The following CDH18 variants were observed in gnomAD, a reference collection of about 807,000 sequenced individuals.
CDH18 encodes cadherin 18.
CDH18 carries 31 observed loss-of-function variants against 67.9 expected under a neutral mutation model. That is an observed-to-expected ratio of 0.46 (90% CI 0.34 to 0.62). The LOEUF (loss-of-function observed/expected upper bound fraction) is 0.62, where lower values mean the gene tolerates loss of function less well. Among genes scored for constraint, CDH18 ranks in the 20% least tolerant of loss-of-function variants. The pLI is 0.01. For missense variants in CDH18, 890 were observed against 975.5 expected (o/e 0.91, Z 1.17); for synonymous variants, 362 against 347.2 (o/e 1.04, Z -0.48).
At chr5:20,069,744 G>C (rs1159398379) in intron 2 of CDH18, among the ~76,000 whole-genome samples, 1 of 152,036 alleles carries the variant, frequency 6.6e-6, no homozygotes, top group Non-Finnish European at 1.5e-5. Context: ...TTATTTTTTA[G>C]AGCAGTTTTA....
At chr5:20,339,193 A>G (rs1421845008) in intron 1 of CDH18, among the ~76,000 whole-genome samples, 1 of 152,144 alleles carries the variant, frequency 6.6e-6, no homozygotes, top group Non-Finnish European at 1.5e-5. Context: ...GTGCCTCCTG[A>G]AACACTGGGA....
rs371015064 is a variant in CDH18, at chr5:19,921,988, C to T, written c.-257+59072G>A. 1.3e-4 allele frequency among the ~76,000 whole-genome samples: 19 copies of T among 151,884 alleles called. 1 individual carries two copies. The highest frequency in any genetic ancestry group is 7.8e-4 in the East Asian group (4 of 5,156). Reference sequence around the variant, plus strand: ...TGGCCTAGAGGGTAGGTCTGTCACACGTCTCTTTGGTTTTACTAATGGAGA... The same window carrying T: ...TGGCCTAGAGGGTAGGTCTGTCACATGTCTCTTTGGTTTTACTAATGGAGA... On this transcript the variant is annotated intron_variant, in intron 2 of 12. Coordinates refer to ENST00000382275, the MANE Select transcript of CDH18 (RefSeq NM_004934.5).
At chr5:19,715,520 G>A in intron 5 of CDH18, among the ~76,000 whole-genome samples, 1 of 151,982 alleles carries the variant, frequency 6.6e-6, no homozygotes, top group South Asian at 2.1e-4. Flanking sequence ...GAAGATAAAA[G>A]GTTGGTTATT....
chr5:20,312,877 ATTCTC>A (rs1737117822), intron 1 of CDH18, among the ~76,000 whole-genome samples: 1 of 151,928 alleles, frequency 6.6e-6, no homozygotes, highest in South Asian at 2.1e-4. Context: ...TGTCATTTGT[ATTCTC>A]TTCTTTTTAA....
rs2149936345 is a variant in CDH18, at chr5:19,571,618, A to G, written c.1214T>C (p.Val405Ala). The G allele has an allele frequency of 6.2e-7, 1 of 1,614,000 alleles. No homozygotes were observed. Among genetic ancestry groups the G allele is most frequent in the South Asian group, 1.1e-5 (1 of 91,074 alleles). Residue 405 changes from valine (V) to alanine (A), a missense_variant, in exon 8 of 13, where the codon GTT (valine) becomes GCT (alanine). Coordinates refer to ENST00000382275, the MANE Select transcript of CDH18 (RefSeq NM_004934.5). ...AGTACTGTCAGGATCTTGTGCCAAA[A>G]CTGTACCAACGACGGTCCCAATCTT... ...NAKIGTVVGT[V>A]LAQDPDSTNS...
At chr5:19,951,287 G>C (rs1432203877) in intron 2 of CDH18, among the ~76,000 whole-genome samples, 2 of 152,106 alleles carry the variant, frequency 1.3e-5, no homozygotes, top group Admixed American at 6.6e-5. Flanking sequence ...TATATCTGTG[G>C]CATACTAAAA....
intron 8 of CDH18, among the ~76,000 whole-genome samples, chr5:19,565,744 C>T (rs531704821): frequency 3.5e-4 from 54 of 152,314 alleles, no homozygotes; most frequent in Non-Finnish European, 6.8e-4. Context: ...AAACTTAAGT[C>T]TATGAACTCA....
At chr5:20,074,003 C>G (rs1225920916) in intron 2 of CDH18, among the ~76,000 whole-genome samples, 2 of 152,020 alleles carry the variant, frequency 1.3e-5, no homozygotes, top group African/African-American at 4.8e-5. Flanking sequence ...TGATGTTGGG[C>G]TGAATTTTTC....
intron 1 of CDH18, among the ~76,000 whole-genome samples, chr5:20,406,328 C>T (rs1440080892): frequency 6.6e-6 from 1 of 151,684 alleles, no homozygotes; most frequent in Non-Finnish European, 1.5e-5. Flanking sequence ...CAAACTATCG[C>T]AAAGACAAAA....
intron 2 of CDH18, among the ~76,000 whole-genome samples, chr5:19,994,730 TATATATATAGAG>T (rs1251796769): frequency 1.8e-3 from 30 of 16,644 alleles, no homozygotes; most frequent in Non-Finnish European, 2.8e-3. Context: ...TATATATATA[TATATATATAGAG>T]AGAGAGAGAG....
chr5:19,929,380 T>A (rs531204105), intron 2 of CDH18, among the ~76,000 whole-genome samples: 1 of 152,140 alleles, frequency 6.6e-6, no homozygotes, highest in East Asian at 1.9e-4. Flanking sequence ...ACAGCAAGCA[T>A]TAGGAAACAG....
chr5:19,625,504 A>G (rs1368932687), intron 5 of CDH18, among the ~76,000 whole-genome samples: 1 of 151,936 alleles, frequency 6.6e-6, no homozygotes, highest in East Asian at 1.9e-4. Flanking sequence ...TGGAATCTAG[A>G]AGTCTGAAAT....
intron 5 of CDH18, among the ~76,000 whole-genome samples, chr5:19,675,221 G>A (rs1455052191): frequency 4.6e-5 from 7 of 151,996 alleles, no homozygotes; most frequent in South Asian, 2.1e-4. Flanking sequence ...GGGCAAGATC[G>A]CAGGACTGGG....
At chr5:19,703,193 A>G (rs1205792896) in intron 5 of CDH18, among the ~76,000 whole-genome samples, 2 of 152,100 alleles carry the variant, frequency 1.3e-5, no homozygotes, top group African/African-American at 4.8e-5. Context: ...TGGTCTCGGC[A>G]AGTGGTGCCT....
intron 2 of CDH18, among the ~76,000 whole-genome samples, chr5:20,049,082 G>A (rs186460400): frequency 6.6e-6 from 1 of 151,670 alleles, no homozygotes; most frequent in Non-Finnish European, 1.5e-5. Flanking sequence ...AGTATAAGCT[G>A]GTAATCATCA....
intron 1 of CDH18, among the ~76,000 whole-genome samples, chr5:20,464,499 G>T (rs1561029690): frequency 6.6e-6 from 1 of 152,084 alleles, no homozygotes; most frequent in Non-Finnish European, 1.5e-5. Context: ...GATTATCAAG[G>T]ATGTGAAAGG....
intron 1 of CDH18, among the ~76,000 whole-genome samples, chr5:20,352,596 C>T (rs1370060212): frequency 3.0e-5 from 4 of 134,632 alleles, no homozygotes; most frequent in South Asian, 4.7e-4. Context: ...CTGGCTGAAA[C>T]GGTGAAACCC....
chr5:20,457,584 G>A lies in CDH18; in HGVS notation c.-580+117878C>T, dbSNP rs117481575. Among the ~76,000 whole-genome samples, 75 of 152,248 alleles carry A rather than the reference G, an allele frequency of 4.9e-4. No homozygotes were observed. In the East Asian group the frequency reaches 0.012, roughly 25 times the overall value. On this transcript the variant is annotated intron_variant, in intron 1 of 14. Coordinates refer to the CDH18 transcript ENST00000507958. ...CGATGCTCTTCTTTTTCCGAGAAGA[G>A]GTGATGGGCTGGATGTTAAATATTT...
intron 8 of CDH18, among the ~76,000 whole-genome samples, chr5:19,555,765 C>G (rs763197584): frequency 6.6e-6 from 1 of 152,162 alleles, no homozygotes; most frequent in Non-Finnish European, 1.5e-5. Flanking sequence ...CCTATACAAT[C>G]GCAACTGATG....
Sources: gnomAD v4.1 joint callset for allele counts (sites outside exome capture counted in the v4.1 genomes callset) on GRCh38, gnomAD v4.1.1 for gene constraint, MANE v1.5 for transcripts, NCBI Gene and HGNC (gene_info 2026-07-23, HGNC 2026-07-21) for gene names.